DACH1: variants seen among roughly 807,000 people sequenced by gnomAD.
DACH1 encodes dachshund homolog 1.
DACH1 carries 12 observed loss-of-function variants against 54.2 expected under a neutral mutation model. The ratio of observed to expected loss-of-function variants is 0.22; its 90% CI spans 0.14 to 0.36. The LOEUF is 0.36. Among genes scored for constraint, DACH1 ranks in the 10% least tolerant of loss-of-function variants. The pLI is 1.00. For synonymous variants in DACH1, 386 were observed against 366.2 expected (o/e 1.05, Z -0.62); for missense variants, 805 against 929.8 (o/e 0.87, Z 1.75).
At chr13:71,856,962 G>C (rs570225839) in intron 1 of DACH1, among the ~76,000 whole-genome samples, 1 of 151,818 alleles carries the variant, frequency 6.6e-6, no homozygotes, top group East Asian at 1.9e-4. Context: ...TTATGAAATT[G>C]TTTTCCTATC....
At chr13:71,570,031 T>C (rs1885104992) in intron 4 of DACH1, among the ~76,000 whole-genome samples, 1 of 152,168 alleles carries the variant, frequency 6.6e-6, no homozygotes, top group African/African-American at 2.4e-5. Flanking sequence ...GAGTCAGCTG[T>C]TTTCTTTGAG....
Position 71,602,163 on chromosome 13 carries a change from A to G in DACH1, c.1126+28393T>C, listed in dbSNP as rs369258555. 2.0e-3 allele frequency among the ~76,000 whole-genome samples: 311 copies of G among 152,130 alleles called. 2 individuals are homozygous for G. The highest frequency in any genetic ancestry group is 0.015 in the South Asian group (72 of 4,826). On this transcript the variant is annotated intron_variant, in intron 3 of 10. Coordinates refer to ENST00000613252, the MANE Select transcript of DACH1 (RefSeq NM_080759.6). ...CAAAAAATATGTTTTACATTCTGGA[A>G]AGCAACACAAAATTTCCTGTATATT...
In DACH1 at chr13:71,544,283, C is replaced by CT. The variant is rs150423105; in HGVS notation, c.1570+12740dup. ...AACAAAGCCATGAGACACATGACTA[C>CT]TTTGAATAGAGGTTATAGTTTAGAT... is the stretch of plus-strand genomic sequence containing the variant. On this transcript the variant is annotated intron_variant, in intron 6 of 10. Coordinates refer to ENST00000613252, the MANE Select transcript of DACH1 (RefSeq NM_080759.6). Among the ~76,000 whole-genome samples, 883 of 152,190 alleles carry CT rather than the reference C, an allele frequency of 5.8e-3. 10 individuals are homozygous for CT. Among genetic ancestry groups the CT allele is most frequent in the African/African-American group, 0.02 (837 of 41,550 alleles).
intron 1 of DACH1, among the ~76,000 whole-genome samples, chr13:71,769,052 C>A (rs1885748706): frequency 6.6e-6 from 1 of 151,714 alleles, no homozygotes; most frequent in African/African-American, 2.4e-5. Context: ...TAAATACATG[C>A]CAACTTAGTA....
intron 4 of DACH1, among the ~76,000 whole-genome samples, chr13:71,568,536 T>G (rs1349205598): frequency 6.6e-6 from 1 of 152,042 alleles, no homozygotes; most frequent in East Asian, 1.9e-4. Flanking sequence ...TTGAAATGGC[T>G]AGAACCTAGA....
intron 1 of DACH1, among the ~76,000 whole-genome samples, chr13:71,825,822 A>T (rs1298615471): frequency 6.6e-6 from 1 of 152,108 alleles, no homozygotes; most frequent in Admixed American, 6.6e-5. Context: ...ATTGACACCT[A>T]AAAAAGTCTA....
chr13:71,807,407 T>C (rs1037230075), intron 1 of DACH1, among the ~76,000 whole-genome samples: 14 of 120,916 alleles, frequency 1.2e-4, no homozygotes, highest in African/African-American at 4.7e-4. Flanking sequence ...TGTCAGTATT[T>C]ATCACAGATT....
At chr13:71,759,110 T>C (rs1885292396) in intron 1 of DACH1, among the ~76,000 whole-genome samples, 3 of 152,104 alleles carry the variant, frequency 2.0e-5, no homozygotes, top group Admixed American at 2.0e-4. Flanking sequence ...TTACCTTTTT[T>C]TCCCCTTTCT....
intron 3 of DACH1, among the ~76,000 whole-genome samples, chr13:71,608,220 G>C (rs1318465828): frequency 6.6e-6 from 1 of 151,850 alleles, no homozygotes; most frequent in Non-Finnish European, 1.5e-5. Flanking sequence ...CATGGATATA[G>C]ATTTAAACCA....
intron 2 of DACH1, among the ~76,000 whole-genome samples, chr13:71,654,439 TAAAATAA>T (rs1878925543): frequency 7.7e-6 from 1 of 129,320 alleles, no homozygotes; most frequent in African/African-American, 2.9e-5. Context: ...TAAAATAAAA[TAAAATAA>T]AATAAAATAA....
intron 6 of DACH1, among the ~76,000 whole-genome samples, chr13:71,531,648 T>C (rs1195340147): frequency 1.3e-5 from 2 of 151,950 alleles, no homozygotes; most frequent in Non-Finnish European, 2.9e-5. Flanking sequence ...AAGGAATAGA[T>C]AAAAAAATCA....
intron 6 of DACH1, among the ~76,000 whole-genome samples, chr13:71,539,102 C>A (rs1246761264): frequency 6.6e-6 from 1 of 151,862 alleles, no homozygotes; most frequent in Non-Finnish European, 1.5e-5. Flanking sequence ...ATGGTTCTGC[C>A]ATATACACAC....
chr13:71,778,939 C>T (rs193075866), intron 1 of DACH1, among the ~76,000 whole-genome samples: 15 of 151,882 alleles, frequency 9.9e-5, no homozygotes, highest in African/African-American at 3.1e-4. Flanking sequence ...TTCATATACA[C>T]AGATTTAGAA....
At chr13:71,640,823 T>C (rs968555953) in intron 2 of DACH1, among the ~76,000 whole-genome samples, 1 of 152,062 alleles carries the variant, frequency 6.6e-6, no homozygotes, top group African/African-American at 2.4e-5. Context: ...GTTCAGGCAA[T>C]ATAATAAGTG....
intron 1 of DACH1, among the ~76,000 whole-genome samples, chr13:71,851,843 G>C (rs1274493877): frequency 6.6e-6 from 1 of 152,096 alleles, no homozygotes; most frequent in Non-Finnish European, 1.5e-5. Flanking sequence ...GACTACTTCG[G>C]ATGAATTTTT....
chr13:71,659,273 T>C (rs980590021), intron 2 of DACH1, among the ~76,000 whole-genome samples: 1 of 152,076 alleles, frequency 6.6e-6, no homozygotes, highest in Non-Finnish European at 1.5e-5. Flanking sequence ...GGGGGGTGGC[T>C]CACAAATTTA....
At chr13:71,684,792 A>G (rs1265407971) in intron 1 of DACH1, among the ~76,000 whole-genome samples, 2 of 152,172 alleles carry the variant, frequency 1.3e-5, no homozygotes, top group East Asian at 1.9e-4. Flanking sequence ...AAAAATAATA[A>G]TAATAACCCT....
intron 1 of DACH1, among the ~76,000 whole-genome samples, chr13:71,743,606 G>C (rs1253897885): frequency 1.3e-5 from 2 of 152,194 alleles, no homozygotes. Flanking sequence ...GAATGAATCT[G>C]ATTTGGAGAA....
intron 1 of DACH1, among the ~76,000 whole-genome samples, chr13:71,793,057 G>T (rs562070893): frequency 6.6e-6 from 1 of 152,094 alleles, no homozygotes; most frequent in Non-Finnish European, 1.5e-5. Context: ...AATGGGAGAA[G>T]TATCAAACAT....
Sources: gnomAD v4.1 joint callset for allele counts (sites outside exome capture counted in the v4.1 genomes callset) on GRCh38, gnomAD v4.1.1 for gene constraint, MANE v1.5 for transcripts, NCBI Gene and HGNC (gene_info 2026-07-23, HGNC 2026-07-21) for gene names.